Variants in MGAM observed in about 807,000 individuals in gnomAD.
MGAM encodes the protein maltase-glucoamylase.
MGAM carries 253 observed loss-of-function variants against 358.8 expected under a neutral mutation model. The ratio of observed to expected loss-of-function variants is 0.71; its 90% confidence interval spans 0.64 to 0.78. MGAM has a LOEUF of 0.78. Among genes scored for constraint, MGAM ranks in the 30% least tolerant of loss-of-function variants. MGAM has a pLI of 0.00. For synonymous variants in MGAM, 1,105 were observed against 1,227.1 expected, an observed-to-expected ratio of 0.90 and a Z score of 2.08; for missense variants, 3,080 against 3,432.6, an observed-to-expected ratio of 0.90 and a Z score of 2.57.
upstream of MGAM, among the ~76,000 whole-genome samples, chr7:141,995,637 G>A (rs782312818): frequency 9.2e-5 from 14 of 152,222 alleles, no homozygotes; most frequent in Non-Finnish European, 1.6e-4. Flanking sequence ...CCTCACCACC[G>A]ATTAAACATT....
intron 59 of MGAM, 98 bp downstream of exon 59, chr7:142,092,706 A>G (rs1470511272): frequency 9.0e-7 from 1 of 1,111,888 alleles, no homozygotes; most frequent in African/African-American, 1.5e-5. Flanking sequence ...AGCTCAGGGC[A>G]CATCCTCATG....
In MGAM at chr7:142,056,847, C is replaced by A. The variant is rs749389638; in HGVS notation, c.3598C>A (p.Leu1200Met). Reference protein sequence around the residue: ...SNAMDVTFQPLPALTYRTTGG... With the variant: ...SNAMDVTFQPMPALTYRTTGG... ...ATTTTCAGATGTGACGTTCCAGCCC[C>A]TGCCTGCCTTGACATACCGCACCAC... Residue 1200 changes from leucine (L) to methionine (M), a missense_variant, in exon 30 of 71, where the codon CTG (leucine) becomes ATG (methionine). Physicochemically the swap from Leu to Met is conservative, Grantham distance 15. This residue lies in a region of MGAM where 1,816 missense variants were observed against 1,840.5 expected (regional missense o/e 0.99). Transcript: ENST00000475668. 1 of 1,613,844 alleles carries A rather than the reference C, an allele frequency of 6.2e-7. No homozygotes were observed. Among genetic ancestry groups the A allele is most frequent in the East Asian group, 2.2e-5 (1 of 44,846 alleles).
intron 2 of MGAM, among the ~76,000 whole-genome samples, chr7:142,007,173 ATGT>A (rs1211054055): frequency 2.0e-5 from 3 of 152,292 alleles, no homozygotes; most frequent in African/African-American, 4.8e-5. Context: ...CTGTTCAGAC[ATGT>A]TGTAACAATC....
chr7:142,054,978 G>A, intron 27 of MGAM, 70 bp downstream of exon 27: 1 of 1,510,046 alleles, frequency 6.6e-7, no homozygotes. Flanking sequence ...CATTGTCCTT[G>A]GATGTATCCT....
intron 2 of MGAM, among the ~76,000 whole-genome samples, chr7:141,989,497 G>A (rs1364361379): frequency 1.3e-5 from 2 of 151,912 alleles, no homozygotes; most frequent in Non-Finnish European, 2.9e-5. Context: ...AGTAAGTAGA[G>A]GACCTCATAT....
At chr7:142,023,934 A>C (rs1806707695) in intron 7 of MGAM, among the ~76,000 whole-genome samples, 1 of 152,142 alleles carries the variant, frequency 6.6e-6, no homozygotes, top group South Asian at 2.1e-4. Flanking sequence ...CATCTATTGA[A>C]TTAAAATCTG....
Position 142,032,812 on chromosome 7 carries a change from C to G in MGAM, c.1585-13C>G. On this transcript the variant is annotated splice_polypyrimidine_tract_variant and intron_variant, in intron 13 of 70. Coordinates refer to ENST00000475668, the MANE Select transcript of MGAM (RefSeq NM_001365693.1). ...TTACTTTTTCTTAATAGTTTTTGCT[C>G]TTTGTCTTGTAGGATATGAATGAAG... is the stretch of plus-strand genomic sequence containing the variant. 2.5e-6 allele frequency: 4 copies of G among 1,584,120 alleles called. No homozygotes were observed. The highest frequency in any genetic ancestry group is 2.7e-5 in the African/African-American group (2 of 73,686).
intron 21 of MGAM, among the ~76,000 whole-genome samples, chr7:142,041,610 C>G (rs1808552893): frequency 6.6e-6 from 1 of 151,688 alleles, no homozygotes; most frequent in South Asian, 2.1e-4. Flanking sequence ...AACCTGGTTT[C>G]ACGTTACTTT....
At position 142,079,048 on chromosome 7, in the gene MGAM, T is replaced by A. The variant is rs76255240; in HGVS notation, c.5847+40T>A. The A allele has an allele frequency of 7.5e-3, 10,878 of 1,458,436 alleles. 1,491 individuals are homozygous for A. In the South Asian group the frequency reaches 0.081, roughly 11 times the overall value. 90.3% of individuals were successfully genotyped at this position (1,458,436 alleles called of 1,614,324 possible). On this transcript the variant is annotated intron_variant, in intron 49 of 70. Transcript: ENST00000475668. ...TATATCAGGCAGTGATAAGACCCTTTTCAGTTCCATTATCTTTTTCTGGTT... is the reference window on the plus strand; with the variant it reads ...TATATCAGGCAGTGATAAGACCCTTATCAGTTCCATTATCTTTTTCTGGTT...
At position 142,058,703 on chromosome 7, in the gene MGAM, A is replaced by C. The variant is rs533199644; in HGVS notation, c.3819+375A>C. Among the ~76,000 whole-genome samples, 16 of 152,390 alleles carry C rather than the reference A, an allele frequency of 1.0e-4. No homozygotes were observed. In the East Asian group the frequency reaches 2.9e-3, roughly 28 times the overall value. On this transcript the variant is annotated intron_variant, in intron 31 of 70. Transcript: ENST00000475668. Reference sequence around the variant, plus strand: ...CTTAATTCTTGAAAAGACTAACCACAAATCAATCAGACAATTGTATATGTG... The same window carrying C: ...CTTAATTCTTGAAAAGACTAACCACCAATCAATCAGACAATTGTATATGTG...
At chr7:142,070,086 G>A (rs1813210023) in intron 43 of MGAM, among the ~76,000 whole-genome samples, 2 of 144,296 alleles carry the variant, frequency 1.4e-5, no homozygotes, top group Non-Finnish European at 3.1e-5. Flanking sequence ...CCAGCTACTC[G>A]GGAGGCTGAG....
chr7:142,041,536 A>C (rs1434752633), intron 21 of MGAM, among the ~76,000 whole-genome samples: 4 of 151,938 alleles, frequency 2.6e-5, no homozygotes, highest in Admixed American at 2.6e-4. Flanking sequence ...TGAAAATCTC[A>C]ACTGGTTGCT....
chr7:142,055,100 A>G (rs1437052469), intron 27 of MGAM, among the ~76,000 whole-genome samples, 192 bp downstream of exon 27: 52 of 152,030 alleles, frequency 3.4e-4, no homozygotes, highest in African/African-American at 1.3e-3. Context: ...AAGGAGTTGA[A>G]TGTGCCTGAG....
At chr7:142,088,735 GTCTGTCTGTCTGTCTA>G (rs1324462868) in intron 57 of MGAM, among the ~76,000 whole-genome samples, 1,546 of 97,026 alleles carry the variant, frequency 0.016, 36 homozygotes, top group African/African-American at 0.06. Context: ...CTGTCTGTCT[GTCTGTCTGTCTGTCTA>G]TCTATCTATC....
At chr7:142,003,616 A>T (rs1199208003) in intron 1 of MGAM, among the ~76,000 whole-genome samples, 2 of 152,100 alleles carry the variant, frequency 1.3e-5, no homozygotes, top group Non-Finnish European at 2.9e-5. Context: ...AATCTAGGAA[A>T]CACTCTCTGG....
intron 57 of MGAM, among the ~76,000 whole-genome samples, chr7:142,087,203 T>G (rs1244157382): frequency 6.9e-6 from 1 of 145,160 alleles, no homozygotes; most frequent in Admixed American, 7.0e-5. Context: ...TCCACACTTA[T>G]AATTCCTCCT....
intron 2 of MGAM, among the ~76,000 whole-genome samples, chr7:141,987,819 A>G (rs782093651): frequency 6.6e-6 from 1 of 152,216 alleles, no homozygotes; most frequent in East Asian, 1.9e-4. Flanking sequence ...TTCAAACCCT[A>G]TGAACATTGG....
chr7:142,055,882 T>G (rs1811473649), intron 28 of MGAM, 118 bp from the exon 29 acceptor site: 1 of 1,450,638 alleles, frequency 6.9e-7, no homozygotes, highest in Non-Finnish European at 9.4e-7. Context: ...GTGTTTAGTT[T>G]ATGTGTCTAG....
chr7:142,104,865 GCTTA>G (rs1030750229), intron 70 of MGAM, among the ~76,000 whole-genome samples: 15 of 152,094 alleles, frequency 9.9e-5, no homozygotes, highest in East Asian at 1.9e-4. Flanking sequence ...TTCCTTGTGT[GCTTA>G]CTTATTATTT....
Sources: allele counts gnomAD v4.1 joint callset (sites outside exome capture counted in the v4.1 genomes callset), GRCh38; gene constraint gnomAD v4.1.1; regional missense constraint gnomAD v4.1.1; transcripts MANE v1.5; gene names NCBI Gene and HGNC (gene_info 2026-07-23, HGNC 2026-07-21).